Variants in RAPGEF4 observed in about 807,000 individuals in gnomAD.
RAPGEF4 encodes Rap guanine nucleotide exchange factor 4.
Under a neutral mutation model 147.9 loss-of-function variants are expected in RAPGEF4, and 66 were observed. That is an observed-to-expected ratio of 0.45 (90% confidence interval 0.37 to 0.55). The LOEUF is 0.55. RAPGEF4 is among the 20% of genes least tolerant of loss of function. The pLI is 0.00. For synonymous variants in RAPGEF4, 419 were observed against 442.7 expected (o/e 0.95, Z 0.67); for missense variants, 1,071 against 1,257.3 (o/e 0.85, Z 2.24).
Position 172,843,282 on chromosome 2 carries a change from A to G in RAPGEF4, c.444+28857A>G, listed in dbSNP as rs1194961091. ...GAAAAGGGGAAAATAGGACAGTGAT[A>G]ATGTCACTGTTATGAGCTAAGTAAA... On this transcript the variant is annotated intron_variant, in intron 4 of 30. Transcript: ENST00000397081. 2.6e-5 allele frequency among the ~76,000 whole-genome samples: 4 copies of G among 152,304 alleles called. No individual in the cohort carries two copies. The East Asian group carries it at 7.7e-4, about 29-fold the overall frequency.
At position 172,916,451 on chromosome 2, in the gene RAPGEF4, C is replaced by G. The variant is rs9808261; in HGVS notation, c.445-1351C>G. 3.9e-3 allele frequency among the ~76,000 whole-genome samples: 597 copies of G among 152,200 alleles called. 2 individuals are homozygous for G. The highest frequency in any genetic ancestry group is 0.013 in the African/African-American group (554 of 41,518). On this transcript the variant is annotated intron_variant, in intron 4 of 30. Transcript: ENST00000397081. The stretch of plus-strand genomic sequence containing the variant: ...GCATAATATGAAGCCCAGAAATGTG[C>G]TGCTTAGTGAATGCTGTCTCATGAA...
chr2:173,013,647 T>TG (rs1483640506), intron 17 of RAPGEF4, among the ~76,000 whole-genome samples: 1 of 152,194 alleles, frequency 6.6e-6, no homozygotes, highest in Non-Finnish European at 1.5e-5. Flanking sequence ...CCTTTACTCT[T>TG]GGCACATAGG....
rs1205971955 is a variant in RAPGEF4, at chr2:172,887,163, C to T, written c.445-30639C>T. Among the ~76,000 whole-genome samples, 57 of 145,582 alleles carry T rather than the reference C, an allele frequency of 3.9e-4. 2 individuals are homozygous for T. Among genetic ancestry groups the T allele is most frequent in the Non-Finnish European group, 4.3e-4 (29 of 67,194 alleles). ...GATTGCGCCACTGCAGTCCGCAGTC[C>T]GGCCTGGGCGACAGAGCGAGACTCC... On this transcript the variant is annotated intron_variant, in intron 4 of 30. Transcript: ENST00000397081.
chr2:172,975,087 T>C (rs1690926073), intron 10 of RAPGEF4, among the ~76,000 whole-genome samples: 1 of 152,248 alleles, frequency 6.6e-6, no homozygotes, highest in South Asian at 2.1e-4. Context: ...TTCAGATGAA[T>C]AACAAACAAT....
intron 1 of RAPGEF4, among the ~76,000 whole-genome samples, chr2:172,769,792 C>G (rs576119440): frequency 1.3e-5 from 2 of 151,920 alleles, no homozygotes; most frequent in African/African-American, 4.8e-5. Flanking sequence ...TAAGTATGTT[C>G]CAATTATTAC....
intron 4 of RAPGEF4, among the ~76,000 whole-genome samples, chr2:172,851,246 T>G (rs1156848266): frequency 3.9e-5 from 6 of 152,224 alleles, no homozygotes; most frequent in Non-Finnish European, 2.9e-5. Context: ...AATTTTATGG[T>G]TTTGAGTGAT....
In RAPGEF4 at chr2:173,033,860, A is replaced by G. The variant is rs1192870798; in HGVS notation, c.2650-54A>G. ...CCCTAGAAATGGTAACCCATGATAC[A>G]TATCTAGATATTGAATCTGACATAT... On this transcript the variant is annotated intron_variant, in intron 26 of 30. Coordinates refer to ENST00000397081, the MANE Select transcript of RAPGEF4 (RefSeq NM_007023.4). 7 of 1,527,120 alleles carry G rather than the reference A, an allele frequency of 4.6e-6. No individual in the cohort carries two copies. In the East Asian group the frequency reaches 1.4e-4, roughly 30 times the overall value. The allele number at this position is 1,527,120 out of a possible 1,614,324, so 94.6% of individuals were successfully genotyped here.
intron 1 of RAPGEF4, among the ~76,000 whole-genome samples, chr2:172,756,616 C>T (rs1412970702): frequency 1.3e-5 from 2 of 152,168 alleles, no homozygotes; most frequent in African/African-American, 2.4e-5. Context: ...AGGCTAATCT[C>T]TTAAATAGAA....
At chr2:172,860,311 C>T (rs1050183658) in intron 4 of RAPGEF4, 2 of 985,262 alleles carry the variant, frequency 2.0e-6, no homozygotes, top group Non-Finnish European at 2.4e-6. Context: ...TAAGTTTCAG[C>T]TTGTTTTATC....
chr2:172,884,750 G>T (rs143651798), intron 4 of RAPGEF4, among the ~76,000 whole-genome samples: 1 of 152,264 alleles, frequency 6.6e-6, no homozygotes, highest in Non-Finnish European at 1.5e-5. Flanking sequence ...TTTGAACATG[G>T]TCCCTGTGAT....
At chr2:172,737,580 C>G (rs923216541) in intron 1 of RAPGEF4, among the ~76,000 whole-genome samples, 2 of 152,156 alleles carry the variant, frequency 1.3e-5, no homozygotes, top group South Asian at 4.1e-4. Context: ...AATACTAACA[C>G]AAGTGGGACA....
At chr2:172,858,743 AAT>A (rs1456220076) in intron 4 of RAPGEF4, among the ~76,000 whole-genome samples, 1 of 152,210 alleles carries the variant, frequency 6.6e-6, no homozygotes, top group Non-Finnish European at 1.5e-5. Flanking sequence ...CACAGAAATC[AAT>A]ATATGTTTTT....
At chr2:172,960,738 G>A in intron 6 of RAPGEF4, 22 bp from the exon 7 acceptor site, 1 of 1,570,972 alleles carries the variant, frequency 6.4e-7, no homozygotes, top group Non-Finnish European at 8.7e-7. Flanking sequence ...ATTTTCTTTT[G>A]CTTTAACATT....
At chr2:172,792,889 T>C (rs1397454836) in intron 1 of RAPGEF4, among the ~76,000 whole-genome samples, 1 of 152,224 alleles carries the variant, frequency 6.6e-6, no homozygotes, top group Non-Finnish European at 1.5e-5. Context: ...CTCCATCTTG[T>C]GGCTATGGCA....
In RAPGEF4 at chr2:173,017,484, CTAT is replaced by C; in HGVS notation, c.1989_1991del (p.Ile664del). Reference sequence around the variant, plus strand: ...GATGAGAGAGCCCAGAAGCGCCAGCCTATCCGCGGCTCTGATGAAGGTGAGAAC... The same window carrying C: ...GATGAGAGAGCCCAGAAGCGCCAGCCCCGCGGCTCTGATGAAGGTGAGAAC... On this transcript the variant is annotated inframe_deletion, in exon 21 of 31. Transcript: ENST00000397081. The C allele has an allele frequency of 6.2e-7, 1 of 1,614,042 alleles. No individual in the cohort carries two copies. The highest frequency in any genetic ancestry group is 1.1e-5 in the South Asian group (1 of 91,080).
chr2:172,908,130 G>T (rs1699794202), intron 4 of RAPGEF4, among the ~76,000 whole-genome samples: 1 of 152,194 alleles, frequency 6.6e-6, no homozygotes, highest in Non-Finnish European at 1.5e-5. Flanking sequence ...AATGCCTGGG[G>T]TCTATACCCT....
chr2:172,946,604 C>T (rs1687700114), intron 6 of RAPGEF4, among the ~76,000 whole-genome samples: 1 of 152,182 alleles, frequency 6.6e-6, no homozygotes, highest in Non-Finnish European at 1.5e-5. Flanking sequence ...CCTGCAATTC[C>T]ATCTGCTCTC....
chr2:172,900,023 TG>T (rs968684907), intron 4 of RAPGEF4, among the ~76,000 whole-genome samples: 11 of 152,174 alleles, frequency 7.2e-5, no homozygotes, highest in African/African-American at 2.7e-4. Context: ...ACTGGACACA[TG>T]GGCACCCAGG....
At chr2:173,008,991 T>C (rs981989320) in intron 17 of RAPGEF4, among the ~76,000 whole-genome samples, 1 of 152,168 alleles carries the variant, frequency 6.6e-6, no homozygotes. Context: ...CCCTAAAGCC[T>C]CACTGCAAAC....
Sources: allele counts gnomAD v4.1 joint callset (sites outside exome capture counted in the v4.1 genomes callset), GRCh38; gene constraint gnomAD v4.1.1; transcripts MANE v1.5; gene names NCBI Gene and HGNC (gene_info 2026-07-23, HGNC 2026-07-21).